Variants in COPG2 observed in about 807,000 individuals in gnomAD.
COPG2 encodes coatomer subunit gamma-2.
In COPG2, 37 loss-of-function variants were observed where a neutral mutation model predicts 46.3. That is an observed-to-expected ratio of 0.80 (90% confidence interval 0.61 to 1.05). COPG2 has a LOEUF of 1.05. COPG2 is among the 50% of genes least tolerant of loss of function. The pLI is 0.00. For missense variants in COPG2, 427 were observed against 387.8 expected (o/e 1.10, Z -0.85); for synonymous variants, 159 against 129.7 (o/e 1.23, Z -1.53).
chr7:130,549,204 C>T (rs1461792693), intron 18 of COPG2, 110 bp downstream of exon 18: 5 of 397,198 alleles, frequency 1.3e-5, no homozygotes, highest in South Asian at 1.4e-4. Flanking sequence ...TTCAGCCACA[C>T]GAAGATTTCC....
chr7:130,606,374 C>T (rs981433467), intron 9 of COPG2, among the ~76,000 whole-genome samples: 3 of 152,014 alleles, frequency 2.0e-5, no homozygotes, highest in African/African-American at 7.2e-5. Context: ...AAAGATCAAT[C>T]GATCTGGTTC....
At chr7:130,613,929 G>A (rs1794902087) in intron 6 of COPG2, among the ~76,000 whole-genome samples, 1 of 152,144 alleles carries the variant, frequency 6.6e-6, no homozygotes, top group Admixed American at 6.5e-5. Flanking sequence ...AAATACACAA[G>A]CAGAGGCTGA....
At chr7:130,630,905 C>T (rs1554455066) in intron 5 of COPG2, among the ~76,000 whole-genome samples, 1 of 152,100 alleles carries the variant, frequency 6.6e-6, no homozygotes, top group East Asian at 1.9e-4. Flanking sequence ...GAGCTGGGCA[C>T]AGTGGCTAAT....
In COPG2 at chr7:130,633,949, T is replaced by C. The variant is rs549386678; in HGVS notation, c.324-16884A>G. ...AGTTTTCTGCATATAGCTAGCCAGT[T>C]TTCCCAACATCATTTATTAAATAGG... On this transcript the variant is annotated intron_variant, in intron 5 of 23. Coordinates refer to ENST00000425248, the MANE Select transcript of COPG2 (RefSeq NM_012133.6). Among the ~76,000 whole-genome samples, 14 of 152,338 alleles carry C rather than the reference T, an allele frequency of 9.2e-5. No homozygotes were observed. In the East Asian group the frequency reaches 2.3e-3, roughly 25 times the overall value.
chr7:130,583,805 C>CACAA (rs1794207581), intron 9 of COPG2, among the ~76,000 whole-genome samples: 1 of 12,322 alleles, frequency 8.1e-5, no homozygotes, highest in African/African-American at 3.2e-4. Context: ...GACTCCATCT[C>CACAA]AAAAAAAAAA....
chr7:130,643,787 C>T lies in COPG2; in HGVS notation c.323+9082G>A, dbSNP rs1272204695. Reference sequence around the variant, plus strand: ...GACCAGATAGGCAACATAACAAGACCCCATCTCTATTTAAAAAAAACACAC... The same window carrying T: ...GACCAGATAGGCAACATAACAAGACTCCATCTCTATTTAAAAAAAACACAC... On this transcript the variant is annotated intron_variant, in intron 5 of 23. Transcript: ENST00000425248. Among the ~76,000 whole-genome samples the T allele has an allele frequency of 3.9e-5, 6 of 151,942 alleles. No individual in the cohort carries two copies. In the South Asian group the frequency reaches 1.0e-3, roughly 26 times the overall value.
chr7:130,665,906 G>C (rs1796069342), intron 3 of COPG2, among the ~76,000 whole-genome samples: 1 of 151,324 alleles, frequency 6.6e-6, no homozygotes, highest in Non-Finnish European at 1.5e-5. Flanking sequence ...CATTTCATGA[G>C]CGCAAATATT....
In COPG2 at chr7:130,513,121, AC is replaced by A. The variant is rs533251466; in HGVS notation, c.2150-4463del. 6.0e-4 allele frequency among the ~76,000 whole-genome samples: 90 copies of A among 151,012 alleles called. 1 individual carries two copies. The highest frequency in any genetic ancestry group is 2.1e-3 in the African/African-American group (85 of 41,116). On this transcript the variant is annotated intron_variant, in intron 20 of 23. Coordinates refer to ENST00000425248, the MANE Select transcript of COPG2 (RefSeq NM_012133.6). ...GCCAACATGGTGAAACCCCATCTCT[AC>A]TAAAAATGCAAAAAGTAGCTGGGCG... is the stretch of plus-strand genomic sequence containing the variant.
intron 20 of COPG2, among the ~76,000 whole-genome samples, chr7:130,535,160 C>T (rs1042568556): frequency 1.3e-5 from 2 of 152,142 alleles, no homozygotes; most frequent in African/African-American, 4.8e-5. Context: ...TCAGATGAAG[C>T]GACAGGCCCT....
chr7:130,652,230 G>T (rs1795761744), intron 5 of COPG2, among the ~76,000 whole-genome samples: 1 of 152,182 alleles, frequency 6.6e-6, no homozygotes, highest in Non-Finnish European at 1.5e-5. Flanking sequence ...TAGTTCCACA[G>T]ATGTGGCCTT....
rs542658593 is a variant in COPG2 at position 130,668,246 on chromosome 7, C to T, written c.37+386G>A. Among the ~76,000 whole-genome samples the T allele has an allele frequency of 5.3e-5, 8 of 152,220 alleles. No individual in the cohort carries two copies. In the East Asian group the frequency reaches 1.4e-3, roughly 26 times the overall value. On this transcript the variant is annotated intron_variant, in intron 1 of 23. Coordinates refer to ENST00000425248, the MANE Select transcript of COPG2 (RefSeq NM_012133.6). ...CACCCTGTGCCGTCGACCCCAGCCC[C>T]GGGAACAGGGTGCTCCCACTAGGGG...
chr7:130,589,471 G>A (rs1179680457), intron 9 of COPG2, among the ~76,000 whole-genome samples: 1 of 151,958 alleles, frequency 6.6e-6, no homozygotes, highest in African/African-American at 2.4e-5. Flanking sequence ...AAAATTTAGA[G>A]ACAGGGTCTT....
At chr7:130,552,217 T>C (rs1265388997) in intron 15 of COPG2, 138 bp downstream of exon 15, 1 of 391,180 alleles carries the variant, frequency 2.6e-6, no homozygotes, top group Non-Finnish European at 4.5e-6. Context: ...AGAAAGGAAT[T>C]GCCATTTGCC....
At chr7:130,618,037 G>T (rs1298515275) in intron 5 of COPG2, among the ~76,000 whole-genome samples, 1 of 142,284 alleles carries the variant, frequency 7.0e-6, no homozygotes, top group African/African-American at 2.6e-5. Context: ...GGAGGCAGAG[G>T]TTGCAGTGAG....
chr7:130,667,622 G>C, intron 1 of COPG2, 88 bp from the exon 2 acceptor site: 1 of 996,612 alleles, frequency 1.0e-6, no homozygotes, highest in Non-Finnish European at 1.5e-6. Context: ...TGAATGCTTG[G>C]GAAGTGAACA....
chr7:130,622,936 G>T (rs1480432435), intron 5 of COPG2, among the ~76,000 whole-genome samples: 1 of 152,142 alleles, frequency 6.6e-6, no homozygotes, highest in Non-Finnish European at 1.5e-5. Flanking sequence ...AATGATCCTA[G>T]CTCCTGACAG....
chr7:130,577,428 G>T (rs1205722747), intron 9 of COPG2, among the ~76,000 whole-genome samples: 1 of 152,138 alleles, frequency 6.6e-6, no homozygotes, highest in Non-Finnish European at 1.5e-5. Flanking sequence ...GGAAAATCGG[G>T]TCACTCCCAC....
intron 9 of COPG2, among the ~76,000 whole-genome samples, chr7:130,602,597 G>C (rs1794658140): frequency 6.6e-6 from 1 of 151,934 alleles, no homozygotes; most frequent in Non-Finnish European, 1.5e-5. Flanking sequence ...TCAGCCTCCT[G>C]AATAGCTGGG....
chr7:130,653,435 G>C (rs547709952), intron 4 of COPG2, among the ~76,000 whole-genome samples: 7 of 152,294 alleles, frequency 4.6e-5, no homozygotes, highest in African/African-American at 1.7e-4. Context: ...TGTATTTTTA[G>C]TAGAGACGGC....
Sources: gnomAD v4.1 joint callset for allele counts (sites outside exome capture counted in the v4.1 genomes callset) on GRCh38, gnomAD v4.1.1 for gene constraint, MANE v1.5 for transcripts, NCBI Gene and HGNC (gene_info 2026-07-23, HGNC 2026-07-21) for gene names.